The following TTC39B variants were observed in gnomAD, a reference collection of about 807,000 sequenced individuals.
The protein encoded by TTC39B is tetratricopeptide repeat protein 39B.
In TTC39B, 92 loss-of-function variants were observed where a neutral mutation model predicts 96.6. That is an observed-to-expected ratio of 0.95 (90% CI 0.80 to 1.13). The LOEUF (loss-of-function observed/expected upper bound fraction) is 1.13. Ranked by LOEUF, TTC39B falls within the 50% of genes most tolerant of loss-of-function variation. The probability of loss-of-function intolerance (pLI) is 0.00; values close to 1 mark genes in which losing one functional copy is unlikely to be tolerated. For missense variants in TTC39B, 955 were observed against 809.3 expected, an observed-to-expected ratio of 1.18 and a Z score of -2.18; for synonymous variants, 367 against 299.4, an observed-to-expected ratio of 1.23 and a Z score of -2.33.
At chr9:15,165,656 C>CCCTTTCCTT in exon 20 of TTC39B, 1 of 152,310 alleles carries the variant, frequency 6.6e-6, no homozygotes, top group South Asian at 2.1e-4. Context: ...GCACCTTCTT[C>CCCTTTCCTT]TTCACAGGGC....
chr9:15,185,201 A>C (rs183153110), intron 16 of TTC39B, 79 bp downstream of exon 16: 1 of 1,500,344 alleles, frequency 6.7e-7, no homozygotes, highest in African/African-American at 1.4e-5. Context: ...AAACTTCATA[A>C]CCAAATTTAG....
Position 15,182,316 on chromosome 9 carries a change from G to A in TTC39B, c.1714C>T (p.Gln572Ter). The A allele has an allele frequency of 1.9e-6, 3 of 1,608,328 alleles. No individual in the cohort carries two copies. The highest frequency in any genetic ancestry group is 2.5e-6 in the Non-Finnish European group (3 of 1,176,794). ...TACTGTGTATACTTACTTTGACTTT[G>A]TAAAGCTGCCTCAGCTTTTTCAACA... Residue 572 changes from glutamine to a stop codon, truncating the protein, a stop_gained, in exon 17 of 20, where the codon CAA becomes TAA. Transcript: ENST00000512701. LOFTEE classifies it high-confidence loss of function.
intron 2 of TTC39B, among the ~76,000 whole-genome samples, chr9:15,236,047 C>T (rs956663727): frequency 2.6e-5 from 4 of 152,088 alleles, no homozygotes; most frequent in African/African-American, 9.7e-5. Flanking sequence ...AAATACAAGA[C>T]CCAACCATCT....
At chr9:15,294,217 A>G (rs1354264351) in intron 1 of TTC39B, among the ~76,000 whole-genome samples, 1 of 151,506 alleles carries the variant, frequency 6.6e-6, no homozygotes, top group East Asian at 1.9e-4. Context: ...GCAGCTGGAA[A>G]AAAAAAAAGC....
intron 2 of TTC39B, among the ~76,000 whole-genome samples, chr9:15,239,266 C>T (rs1821928032): frequency 6.6e-6 from 1 of 152,068 alleles, no homozygotes; most frequent in African/African-American, 2.4e-5. Flanking sequence ...CAAAAAACAA[C>T]AGATGTTGGA....
At chr9:15,288,036 C>T (rs1037579167) in intron 1 of TTC39B, among the ~76,000 whole-genome samples, 1 of 149,992 alleles carries the variant, frequency 6.7e-6, no homozygotes, top group East Asian at 2.0e-4. Flanking sequence ...ATTAGCTATA[C>T]AATTAAGCTT....
rs528725663 is a variant in TTC39B, at chr9:15,195,775, G to A, written c.825-3080C>T. On this transcript the variant is annotated intron_variant, in intron 8 of 19. Transcript: ENST00000512701. ...TCTAGCTAAGATCACTGACGAAGGT[G>A]GCTGCACTAAACAACAAATTTTCAA... 1.4e-4 allele frequency among the ~76,000 whole-genome samples: 22 copies of A among 152,116 alleles called. 1 individual carries two copies. In the South Asian group the frequency reaches 4.4e-3, roughly 30 times the overall value.
intron 1 of TTC39B, among the ~76,000 whole-genome samples, chr9:15,305,565 T>C (rs1824728788): frequency 6.6e-6 from 1 of 152,042 alleles, no homozygotes; most frequent in Non-Finnish European, 1.5e-5. Context: ...TTCTGCAGTC[T>C]TTCATTCATT....
intron 2 of TTC39B, among the ~76,000 whole-genome samples, chr9:15,241,961 G>A (rs1432916750): frequency 6.6e-6 from 1 of 151,934 alleles, no homozygotes; most frequent in Non-Finnish European, 1.5e-5. Flanking sequence ...GGTCACGCTG[G>A]TCTCAAACTC....
chr9:15,169,396 G>C (rs1817587682), exon 20 of TTC39B: 1 of 151,698 alleles, frequency 6.6e-6, no homozygotes, highest in African/African-American at 2.4e-5. Flanking sequence ...AAAGCACAAA[G>C]TTACTTAAAT....
At chr9:15,266,880 C>T (rs1823152362) in intron 2 of TTC39B, among the ~76,000 whole-genome samples, 1 of 152,102 alleles carries the variant, frequency 6.6e-6, no homozygotes, top group Non-Finnish European at 1.5e-5. Flanking sequence ...GAGATGGAGA[C>T]CATCCTGGCT....
chr9:15,248,519 G>T (rs1308701486), intron 2 of TTC39B, among the ~76,000 whole-genome samples: 1 of 152,134 alleles, frequency 6.6e-6, no homozygotes, highest in African/African-American at 2.4e-5. Context: ...AAAAATATCT[G>T]CTCCATGAGG....
At chr9:15,267,889 T>C (rs1823194830) in intron 2 of TTC39B, 25 bp downstream of exon 2, 7 of 1,594,398 alleles carry the variant, frequency 4.4e-6, no homozygotes, top group Non-Finnish European at 6.0e-6. Flanking sequence ...CCTTACTACA[T>C]ACTTTTTATT....
intron 6 of TTC39B, among the ~76,000 whole-genome samples, chr9:15,204,825 C>A (rs997497788): frequency 2.0e-5 from 3 of 152,240 alleles, no homozygotes; most frequent in Middle Eastern, 3.4e-3. Context: ...AAGGTACTCA[C>A]AAAAAGGGGT....
At chr9:15,200,280 G>T (rs1425886117) in intron 7 of TTC39B, among the ~76,000 whole-genome samples, 1 of 152,154 alleles carries the variant, frequency 6.6e-6, no homozygotes, top group Non-Finnish European at 1.5e-5. Context: ...ATGTAAAATG[G>T]ATGACTTTAA....
intron 17 of TTC39B, among the ~76,000 whole-genome samples, chr9:15,181,943 C>T (rs1038479677): frequency 1.4e-4 from 22 of 152,182 alleles, no homozygotes; most frequent in African/African-American, 4.8e-4. Flanking sequence ...GTCATCACCT[C>T]CCTCCCCAGA....
chr9:15,305,264 T>C (rs537852198), intron 1 of TTC39B, among the ~76,000 whole-genome samples: 1 of 152,334 alleles, frequency 6.6e-6, no homozygotes, highest in African/African-American at 2.4e-5. Context: ...CATATCTCCC[T>C]AATCAGACTG....
At chr9:15,245,265 T>A (rs932435579) in intron 2 of TTC39B, among the ~76,000 whole-genome samples, 5 of 152,198 alleles carry the variant, frequency 3.3e-5, no homozygotes, top group African/African-American at 1.2e-4. Flanking sequence ...GAAACCTTCA[T>A]TCACAAACAA....
chr9:15,190,468 C>T (rs903263370), intron 11 of TTC39B, 86 bp downstream of exon 11: 5 of 1,228,538 alleles, frequency 4.1e-6, no homozygotes, highest in Non-Finnish European at 5.9e-6. Context: ...ACCTCAGCCT[C>T]CCAAGTAGTT....
Sources: allele counts gnomAD v4.1 joint callset (sites outside exome capture counted in the v4.1 genomes callset), GRCh38; gene constraint gnomAD v4.1.1; transcripts MANE v1.5; gene names NCBI Gene and HGNC (gene_info 2026-07-23, HGNC 2026-07-21).